The following ANO3 variants were observed in gnomAD, a reference collection of about 807,000 sequenced individuals.
ANO3 encodes the protein anoctamin 3, also known as anoctamin-3.
In ANO3, 99 loss-of-function variants were observed where a neutral mutation model predicts 144.8. The ratio of observed to expected loss-of-function variants is 0.68; its 90% CI spans 0.58 to 0.81. The LOEUF (loss-of-function observed/expected upper bound fraction) is 0.81, where lower values mean the gene tolerates loss of function less well. Ranked by LOEUF, ANO3 falls within the 30% of genes least tolerant of loss-of-function variation. ANO3 has a pLI of 0.00. For synonymous variants in ANO3, 414 were observed against 392.6 expected (o/e 1.05, Z -0.64); for missense variants, 905 against 1,202.2 (o/e 0.75, Z 3.66).
chr11:26,612,541 T>C (rs1490063476), intron 17 of ANO3, among the ~76,000 whole-genome samples: 1 of 150,942 alleles, frequency 6.6e-6, no homozygotes, highest in Non-Finnish European at 1.5e-5. Flanking sequence ...CATAGCACCG[T>C]TATTTCAATA....
chr11:26,473,663 C>A (rs74437741), intron 4 of ANO3, among the ~76,000 whole-genome samples: 37 of 151,960 alleles, frequency 2.4e-4, no homozygotes, highest in African/African-American at 8.9e-4. Context: ...CACCTCCCAC[C>A]TCCCATGTTA....
chr11:26,583,453 A>T (rs1851187652), intron 14 of ANO3, among the ~76,000 whole-genome samples: 1 of 152,250 alleles, frequency 6.6e-6, no homozygotes, highest in Admixed American at 6.5e-5. Context: ...GTTTTGACCA[A>T]CCAGTTCCAG....
rs180948291 is a variant in ANO3 at position 26,295,053 on chromosome 11, C to T, written c.155-14592C>T. Among the ~76,000 whole-genome samples, 780 of 152,022 alleles carry T rather than the reference C, an allele frequency of 5.1e-3. 2 individuals carry two copies. Among genetic ancestry groups the T allele is most frequent in the Middle Eastern group, 0.02 (6 of 294 alleles). On this transcript the variant is annotated intron_variant, in intron 1 of 27. Transcript: ENST00000672621. The stretch of plus-strand genomic sequence containing the variant: ...AACTGGGACTATAGGCGTGCACCCA[C>T]GTGCCAGGGTAATTTGTTGTTGTTG...
chr11:26,465,850 G>A (rs1859583743), intron 4 of ANO3, among the ~76,000 whole-genome samples: 1 of 151,826 alleles, frequency 6.6e-6, no homozygotes, highest in South Asian at 2.1e-4. Context: ...ATTTTTGTCA[G>A]GTACATATGC....
intron 13 of ANO3, among the ~76,000 whole-genome samples, chr11:26,556,446 T>G (rs958901090): frequency 6.6e-6 from 1 of 151,852 alleles, no homozygotes; most frequent in Non-Finnish European, 1.5e-5. Flanking sequence ...GAAGCTGTTC[T>G]TTTCAAGAAA....
chr11:26,463,067 A>T lies in ANO3; in HGVS notation c.351A>T (p.Glu117Asp), dbSNP rs775754913. The part of the protein sequence containing the change: ...GKDKDYTDES[E>D]HATYDRSRLI... Reference sequence around the variant, plus strand: ...ATAAGGATTACACGGATGAATCAGAACACGCTACTTATGACCGATCTCGTC... The same window carrying T: ...ATAAGGATTACACGGATGAATCAGATCACGCTACTTATGACCGATCTCGTC... The change falls in exon 4 of 27, where the codon GAA (glutamate) becomes GAT (aspartate). Residue 117 changes from glutamate (E) to aspartate (D), a missense_variant. Glu to Asp is a conservative substitution (Grantham distance 45, BLOSUM62 2). This residue lies in a region of ANO3 where 174 missense variants were observed against 171.9 expected (regional missense o/e 1.01). Transcript: ENST00000256737. The T allele has an allele frequency of 6.3e-7, 1 of 1,597,512 alleles. No individual in the cohort carries two copies. The highest frequency in any genetic ancestry group is 1.1e-5 in the South Asian group (1 of 87,944).
chr11:26,639,586 T>G (rs571965476), intron 21 of ANO3, among the ~76,000 whole-genome samples: 64 of 152,328 alleles, frequency 4.2e-4, no homozygotes, highest in African/African-American at 1.5e-3. Flanking sequence ...CCGGGGTGTT[T>G]CTTTTGCTAC....
chr11:26,422,524 A>G (rs924607198), intron 1 of ANO3, among the ~76,000 whole-genome samples: 6 of 152,026 alleles, frequency 3.9e-5, no homozygotes, highest in African/African-American at 1.4e-4. Flanking sequence ...AGAACTGTCG[A>G]AAGTTGCATT....
At chr11:26,440,474 T>C (rs923263782) in intron 1 of ANO3, among the ~76,000 whole-genome samples, 2 of 151,862 alleles carry the variant, frequency 1.3e-5, no homozygotes, top group Admixed American at 6.6e-5. Flanking sequence ...GACCTGGAAC[T>C]GGTAAACGAA....
At chr11:26,202,044 T>C (rs954790524) in intron 1 of ANO3, among the ~76,000 whole-genome samples, 8 of 151,104 alleles carry the variant, frequency 5.3e-5, no homozygotes, top group Non-Finnish European at 1.2e-4. Context: ...AGATACAGCT[T>C]GCATTGGAAA....
chr11:26,620,452 A>G (rs1349852212), intron 17 of ANO3, among the ~76,000 whole-genome samples: 1 of 151,750 alleles, frequency 6.6e-6, no homozygotes, highest in Non-Finnish European at 1.5e-5. Context: ...TGTTATTAAA[A>G]TCAAATTTTA....
intron 1 of ANO3, among the ~76,000 whole-genome samples, chr11:26,397,424 A>T (rs1411070165): frequency 6.6e-6 from 1 of 152,132 alleles, no homozygotes; most frequent in African/African-American, 2.4e-5. Flanking sequence ...GAAATAAATC[A>T]AAACACTGGA....
intron 1 of ANO3, among the ~76,000 whole-genome samples, chr11:26,298,976 A>G (rs1410014587): frequency 6.6e-6 from 1 of 152,194 alleles, no homozygotes; most frequent in Non-Finnish European, 1.5e-5. Flanking sequence ...AAGAAGACAT[A>G]CATGTGGTCT....
intron 1 of ANO3, among the ~76,000 whole-genome samples, chr11:26,226,125 T>G (rs1429176355): frequency 6.6e-6 from 1 of 152,108 alleles, no homozygotes; most frequent in Non-Finnish European, 1.5e-5. Flanking sequence ...AGTGTTTCCC[T>G]AAATCACTTT....
intron 1 of ANO3, among the ~76,000 whole-genome samples, chr11:26,393,687 G>A (rs999231003): frequency 1.3e-5 from 2 of 152,090 alleles, no homozygotes; most frequent in African/African-American, 2.4e-5. Flanking sequence ...TTTACAAAAT[G>A]TATAAACATA....
chr11:26,382,107 T>A (rs962431661), intron 1 of ANO3, among the ~76,000 whole-genome samples: 1 of 151,774 alleles, frequency 6.6e-6, no homozygotes, highest in Non-Finnish European at 1.5e-5. Flanking sequence ...TATTAATAAA[T>A]AGATATATTT....
chr11:26,643,356 ATTTTT>A, intron 23 of ANO3, 22 bp downstream of exon 23: 1 of 1,613,086 alleles, frequency 6.2e-7, no homozygotes, highest in East Asian at 2.2e-5. Flanking sequence ...AAGTTAAATG[ATTTTT>A]ACGTTGCTAA....
intron 13 of ANO3, among the ~76,000 whole-genome samples, chr11:26,553,711 A>G (rs897857804): frequency 3.9e-5 from 6 of 152,134 alleles, no homozygotes; most frequent in African/African-American, 1.2e-4. Flanking sequence ...TACGGAGAAA[A>G]TGAAATAACA....
intron 14 of ANO3, among the ~76,000 whole-genome samples, chr11:26,587,590 G>T (rs1266934116): frequency 6.6e-6 from 1 of 152,120 alleles, no homozygotes; most frequent in Non-Finnish European, 1.5e-5. Flanking sequence ...ATGGCATATG[G>T]TCATCCCATC....
Sources: gnomAD v4.1 joint callset for allele counts (sites outside exome capture counted in the v4.1 genomes callset) on GRCh38, gnomAD v4.1.1 for gene constraint, gnomAD v4.1.1 regional missense constraint, MANE v1.5 for transcripts, NCBI Gene and HGNC (gene_info 2026-07-23, HGNC 2026-07-21) for gene names.